The following MINDY3 variants were observed in gnomAD, a reference collection of about 807,000 sequenced individuals.
MINDY3 encodes the protein ubiquitin carboxyl-terminal hydrolase MINDY-3.
Under a neutral mutation model 69.2 loss-of-function variants are expected in MINDY3, and 38 were observed. The ratio of observed to expected loss-of-function variants is 0.55; its 90% confidence interval spans 0.42 to 0.72. The LOEUF (loss-of-function observed/expected upper bound fraction) is 0.72, where lower values mean the gene tolerates loss of function less well. MINDY3 is among the 30% of genes least tolerant of loss of function. MINDY3 has a pLI of 0.00. For missense variants in MINDY3, 522 were observed against 519.0 expected (o/e 1.01, Z -0.06); for synonymous variants, 192 against 180.1 (o/e 1.07, Z -0.53).
At chr10:15,802,941 A>T (rs979151612) in intron 10 of MINDY3, among the ~76,000 whole-genome samples, 2 of 152,190 alleles carry the variant, frequency 1.3e-5, no homozygotes, top group Non-Finnish European at 2.9e-5. Flanking sequence ...TAGAGGATGA[A>T]AAAAGAGAAT....
At chr10:15,849,543 A>G (rs1332466242) in intron 1 of MINDY3, among the ~76,000 whole-genome samples, 1 of 152,138 alleles carries the variant, frequency 6.6e-6, no homozygotes, top group Non-Finnish European at 1.5e-5. Context: ...AATGAAAGCA[A>G]CATTACCGTG....
At chr10:15,783,858 C>A (rs1437401441) in intron 13 of MINDY3, among the ~76,000 whole-genome samples, 2 of 152,124 alleles carry the variant, frequency 1.3e-5, no homozygotes, top group Non-Finnish European at 2.9e-5. Flanking sequence ...AACCATTTTC[C>A]TGTAACTGAA....
In MINDY3 at chr10:15,850,541, T is replaced by C. The variant is rs559256501; in HGVS notation, c.95-2598A>G. Among the ~76,000 whole-genome samples, 7 of 152,272 alleles carry C rather than the reference T, an allele frequency of 4.6e-5. No homozygotes were observed. In the South Asian group the frequency reaches 6.2e-4, roughly 14 times the overall value. Reference sequence around the variant, plus strand: ...GGGGAGTGTCTTATACAGTTGTAGATAAGGGACGAAATAAGCCCTGGTCTC... The same window carrying C: ...GGGGAGTGTCTTATACAGTTGTAGACAAGGGACGAAATAAGCCCTGGTCTC... On this transcript the variant is annotated intron_variant, in intron 1 of 14. Transcript: ENST00000277632.
chr10:15,833,197 A>G (rs1456951090), intron 8 of MINDY3, among the ~76,000 whole-genome samples: 1 of 152,240 alleles, frequency 6.6e-6, no homozygotes, highest in Non-Finnish European at 1.5e-5. Flanking sequence ...AAGTCTCAGT[A>G]TTAAATTTGC....
Position 15,779,014 on chromosome 10 carries a change from T to C in MINDY3, c.1316A>G (p.Asp439Gly). 1.9e-6 allele frequency: 3 copies of C among 1,613,366 alleles called. No homozygotes were observed. Among genetic ancestry groups the C allele is most frequent in the Non-Finnish European group, 2.5e-6 (3 of 1,179,602 alleles). ...WPYIELLWTT[D>G]RSPSLN ...AAATTAATTTAGTGAAGGAGAGCGA[T>C]CTGTGGTCCAGAGTAACTCAATGTA... Residue 439 changes from aspartate (D) to glycine (G), a missense_variant, in exon 15 of 15, where the codon GAT becomes GGT. Coordinates refer to ENST00000277632, the MANE Select transcript of MINDY3 (RefSeq NM_024948.4).
At chr10:15,796,059 A>G in intron 11 of MINDY3, 41 bp downstream of exon 11, 1 of 1,415,562 alleles carries the variant, frequency 7.1e-7, no homozygotes, top group Non-Finnish European at 1.0e-6. Flanking sequence ...TTTCAAACAT[A>G]TGAAGACATA....
intron 11 of MINDY3, among the ~76,000 whole-genome samples, chr10:15,791,625 G>A (rs1344116515): frequency 6.6e-6 from 1 of 151,948 alleles, no homozygotes; most frequent in African/African-American, 2.4e-5. Flanking sequence ...GTGGCTGAAA[G>A]GAGGAAAAAA....
intron 11 of MINDY3, among the ~76,000 whole-genome samples, chr10:15,789,708 C>T (rs1223652394): frequency 6.6e-6 from 1 of 151,842 alleles, no homozygotes; most frequent in Admixed American, 6.6e-5. Context: ...AATTCTTTAC[C>T]AACAAATTCC....
At chr10:15,807,879 G>A (rs1760342123) in intron 10 of MINDY3, among the ~76,000 whole-genome samples, 1 of 152,200 alleles carries the variant, frequency 6.6e-6, no homozygotes. Context: ...AAGGGTAACT[G>A]ATGTTCACTT....
At chr10:15,835,560 G>T (rs1004969620) in intron 6 of MINDY3, among the ~76,000 whole-genome samples, 1 of 152,012 alleles carries the variant, frequency 6.6e-6, no homozygotes, top group African/African-American at 2.4e-5. Flanking sequence ...TGAGGAAGGG[G>T]ATACCATTTT....
In MINDY3 at chr10:15,846,115, G is replaced by A. The variant is rs149768344; in HGVS notation, c.174+1749C>T. On this transcript the variant is annotated intron_variant, in intron 2 of 14. Coordinates refer to ENST00000277632, the MANE Select transcript of MINDY3 (RefSeq NM_024948.4). ...TGGGATTACAGGCATGAGCCACCAC[G>A]CCTGGCCGTGATTCTTAAACTTAAT... is the stretch of plus-strand genomic sequence containing the variant. Among the ~76,000 whole-genome samples the A allele has an allele frequency of 4.3e-3, 659 of 152,136 alleles. 3 individuals carry two copies. The highest frequency in any genetic ancestry group is 6.6e-3 in the Non-Finnish European group (447 of 68,010).
Position 15,860,495 on chromosome 10 carries a change from C to T in MINDY3, c.-196G>A, listed in dbSNP as rs1835024969. On this transcript the variant is annotated 5_prime_UTR_variant, in exon 1 of 15. Transcript: ENST00000277632. ...CCAGGTTGGGGCAGCAGCGAGTTTTCCGTACCGGAAGTGCTGGTGCCACTT... is the reference window on the plus strand; with the variant it reads ...CCAGGTTGGGGCAGCAGCGAGTTTTTCGTACCGGAAGTGCTGGTGCCACTT... 1.7e-6 allele frequency: 1 copy of T among 601,322 alleles called. No individual in the cohort carries two copies. The highest frequency in any genetic ancestry group is 2.9e-6 in the Non-Finnish European group (1 of 341,920). 37.2% of individuals were successfully genotyped at this position (601,322 alleles called of 1,614,324 possible).
At chr10:15,850,155 A>G (rs529076483) in intron 1 of MINDY3, among the ~76,000 whole-genome samples, 1 of 152,192 alleles carries the variant, frequency 6.6e-6, no homozygotes, top group African/African-American at 2.4e-5. Context: ...CCCAATCAAT[A>G]CTCTTATAAT....
intron 1 of MINDY3, among the ~76,000 whole-genome samples, chr10:15,852,264 T>A (rs1425934072): frequency 6.6e-6 from 1 of 152,192 alleles, no homozygotes. Flanking sequence ...GCTCAATTAA[T>A]GCTTGTTGAT....
intron 13 of MINDY3, among the ~76,000 whole-genome samples, chr10:15,786,123 A>G (rs373366838): frequency 2.1e-4 from 32 of 152,288 alleles, no homozygotes; most frequent in African/African-American, 3.6e-4. Context: ...ACATGTCCCA[A>G]TGGGAAACGG....
At chr10:15,795,281 T>C (rs1837728493) in intron 11 of MINDY3, among the ~76,000 whole-genome samples, 1 of 152,074 alleles carries the variant, frequency 6.6e-6, no homozygotes, top group South Asian at 2.1e-4. Flanking sequence ...TAAAGTTATC[T>C]GCTAGTAAGT....
At chr10:15,791,639 G>A (rs1043925196) in intron 11 of MINDY3, among the ~76,000 whole-genome samples, 1 of 152,014 alleles carries the variant, frequency 6.6e-6, no homozygotes, top group Admixed American at 6.6e-5. Flanking sequence ...GAAAAAAGCT[G>A]TTGGTTTAAA....
intron 1 of MINDY3, among the ~76,000 whole-genome samples, chr10:15,859,527 A>T (rs1834934526): frequency 6.6e-6 from 1 of 152,270 alleles, no homozygotes; most frequent in East Asian, 1.9e-4. Flanking sequence ...TTTCATTATT[A>T]TTTGTACTAA....
In MINDY3 at chr10:15,822,273, C is replaced by A. The variant is rs763797292; in HGVS notation, c.731-547G>T. 1.6e-4 allele frequency among the ~76,000 whole-genome samples: 25 copies of A among 152,126 alleles called. 1 individual carries two copies. In the Middle Eastern group the frequency reaches 0.014, roughly 83 times the overall value. Reference sequence around the variant, plus strand: ...AAAGAAGAATAGAAAATGATCTCTGCCTTAGAAAGGCTATGACTTTACCAA... The same window carrying A: ...AAAGAAGAATAGAAAATGATCTCTGACTTAGAAAGGCTATGACTTTACCAA... On this transcript the variant is annotated intron_variant, in intron 8 of 14. Coordinates refer to ENST00000277632, the MANE Select transcript of MINDY3 (RefSeq NM_024948.4).
Sources: allele counts gnomAD v4.1 joint callset (sites outside exome capture counted in the v4.1 genomes callset), GRCh38; gene constraint gnomAD v4.1.1; transcripts MANE v1.5; gene names NCBI Gene and HGNC (gene_info 2026-07-23, HGNC 2026-07-21).